The following PDE7B variants were observed in gnomAD, a reference collection of about 807,000 sequenced individuals.
PDE7B encodes 3',5'-cyclic-AMP phosphodiesterase 7B.
A neutral mutation model predicts 56.2 loss-of-function variants in PDE7B; 29 were observed. The ratio of observed to expected loss-of-function variants is 0.52; its 90% CI spans 0.38 to 0.70. The LOEUF is 0.70. Among genes scored for constraint, PDE7B ranks in the 30% least tolerant of loss-of-function variants. The probability of loss-of-function intolerance (pLI) is 0.00; values close to 1 mark genes in which losing one functional copy is unlikely to be tolerated. For missense variants in PDE7B, 490 were observed against 565.0 expected (o/e 0.87, Z 1.35); for synonymous variants, 197 against 196.9 (o/e 1.00, Z 0.00).
At chr6:136,179,884 CCTTT>C (rs1318307256) in intron 10 of PDE7B, among the ~76,000 whole-genome samples, 2 of 152,188 alleles carry the variant, frequency 1.3e-5, no homozygotes, top group Non-Finnish European at 2.9e-5. Context: ...CAAGTCCATT[CCTTT>C]CTGTTTTACT....
At chr6:135,954,459 A>G (rs1045168966) in intron 2 of PDE7B, among the ~76,000 whole-genome samples, 1 of 152,172 alleles carries the variant, frequency 6.6e-6, no homozygotes, top group Non-Finnish European at 1.5e-5. Flanking sequence ...GTGGCTTCCC[A>G]AGCACACTAC....
intron 1 of PDE7B, among the ~76,000 whole-genome samples, chr6:135,905,872 C>T (rs1776090757): frequency 6.6e-6 from 1 of 152,154 alleles, no homozygotes; most frequent in African/African-American, 2.4e-5. Context: ...GAGTGGTGGT[C>T]ACAGGCATCG....
rs1275175734 is a variant in PDE7B, at chr6:136,180,314, G to A, written c.949-913G>A. On this transcript the variant is annotated intron_variant, in intron 10 of 12. Coordinates refer to ENST00000308191, the MANE Select transcript of PDE7B (RefSeq NM_018945.4). ...AGTGACTAAAGCCAAGTTGTGAATA[G>A]CTGAAAGATTTGGCCTTGAACACTT... is the stretch of plus-strand genomic sequence containing the variant. Among the ~76,000 whole-genome samples the A allele has an allele frequency of 2.6e-5, 4 of 152,338 alleles. No homozygotes were observed. In the East Asian group the frequency reaches 7.7e-4, roughly 29 times the overall value.
chr6:136,029,396 A>G (rs1051057218), intron 2 of PDE7B, among the ~76,000 whole-genome samples: 1 of 152,240 alleles, frequency 6.6e-6, no homozygotes, highest in Non-Finnish European at 1.5e-5. Context: ...ACGCACAAAC[A>G]TAAAATCAGC....
intron 3 of PDE7B, among the ~76,000 whole-genome samples, chr6:136,140,178 T>C (rs1468781928): frequency 1.3e-5 from 2 of 152,232 alleles, no homozygotes; most frequent in African/African-American, 4.8e-5. Context: ...CAGTTTCAGC[T>C]TTCTACATAT....
intron 1 of PDE7B, among the ~76,000 whole-genome samples, chr6:135,925,532 T>G (rs1360971531): frequency 6.6e-6 from 1 of 152,148 alleles, no homozygotes; most frequent in Non-Finnish European, 1.5e-5. Flanking sequence ...TTTTGAGAAC[T>G]ATTTCACTAG....
intron 2 of PDE7B, among the ~76,000 whole-genome samples, chr6:136,011,051 T>G (rs1775884077): frequency 1.3e-5 from 2 of 152,132 alleles, no homozygotes; most frequent in African/African-American, 4.8e-5. Context: ...ACCTCAGACA[T>G]AGACACAAGC....
intron 3 of PDE7B, among the ~76,000 whole-genome samples, chr6:136,138,094 T>C (rs1221120811): frequency 1.3e-5 from 2 of 152,068 alleles, no homozygotes; most frequent in African/African-American, 4.8e-5. Flanking sequence ...ATTTGTAAAA[T>C]TGTATAAGGG....
chr6:136,013,850 C>T (rs1401447120), intron 2 of PDE7B, among the ~76,000 whole-genome samples: 1 of 152,164 alleles, frequency 6.6e-6, no homozygotes, highest in Non-Finnish European at 1.5e-5. Flanking sequence ...ATTGAAGAGA[C>T]AAGGCTAGAA....
chr6:135,905,107 T>C (rs748815603), intron 1 of PDE7B, among the ~76,000 whole-genome samples: 5 of 152,192 alleles, frequency 3.3e-5, no homozygotes, highest in Admixed American at 6.5e-5. Context: ...AATCTGCAAA[T>C]TATGTGGCCA....
intron 2 of PDE7B, chr6:136,044,949 T>C (rs150429220): frequency 1.2e-4 from 18 of 151,756 alleles, no homozygotes; most frequent in African/African-American, 4.4e-4. Context: ...AAAAAAAAAA[T>C]TAAACAAGGC....
At position 136,090,387 on chromosome 6, in the gene PDE7B, G is replaced by A. The variant is rs1181062626; in HGVS notation, c.83-18344G>A. On this transcript the variant is annotated intron_variant, in intron 2 of 12. Coordinates refer to ENST00000308191, the MANE Select transcript of PDE7B (RefSeq NM_018945.4). The stretch of plus-strand genomic sequence containing the variant: ...AGAGAATTTGTGCTTTTAGTTGAAG[G>A]GATTGTTGGGATATGAAATGGCTTC... Among the ~76,000 whole-genome samples, 3 of 152,134 alleles carry A rather than the reference G, an allele frequency of 2.0e-5. No individual in the cohort carries two copies. In the East Asian group the frequency reaches 5.8e-4, roughly 29 times the overall value.
chr6:135,870,954 TA>T (rs1219974712), intron 1 of PDE7B, among the ~76,000 whole-genome samples: 1 of 149,754 alleles, frequency 6.7e-6, no homozygotes, highest in Non-Finnish European at 1.5e-5. Flanking sequence ...CTGCCTATAT[TA>T]TTGGAGCCCT....
At chr6:136,089,743 C>T (rs981370142) in intron 2 of PDE7B, among the ~76,000 whole-genome samples, 3 of 152,060 alleles carry the variant, frequency 2.0e-5, no homozygotes, top group African/African-American at 4.8e-5. Context: ...AGTAAAATGG[C>T]AAAATATTTT....
chr6:136,050,896 C>CTCCTCCTCCTCCTCCTCT (rs1200579180), intron 2 of PDE7B, among the ~76,000 whole-genome samples: 18 of 151,726 alleles, frequency 1.2e-4, no homozygotes, highest in Non-Finnish European at 2.2e-4. Context: ...CTGAAACTTT[C>CTCCTCCTCCTCCTCCTCT]TCCTCCTCCT....
intron 1 of PDE7B, among the ~76,000 whole-genome samples, chr6:135,894,164 C>T (rs1318831478): frequency 6.6e-6 from 1 of 152,138 alleles, no homozygotes; most frequent in Admixed American, 6.5e-5. Flanking sequence ...TTAACCACAT[C>T]TATATGCTTT....
chr6:135,867,841 G>A (rs181019718), intron 1 of PDE7B, among the ~76,000 whole-genome samples: 38 of 152,318 alleles, frequency 2.5e-4, no homozygotes, highest in Non-Finnish European at 4.0e-4. Flanking sequence ...AACTGGAGCT[G>A]CAGAAGTAGA....
rs182046337 is a variant in PDE7B at position 135,988,503 on chromosome 6, G to A, written c.82+40979G>A. The stretch of plus-strand genomic sequence containing the variant: ...AGATGTTACATTTTAAGAGCCCACT[G>A]TTTAATAATAATCAATCTTTAAATG... On this transcript the variant is annotated intron_variant, in intron 2 of 12. Coordinates refer to ENST00000308191, the MANE Select transcript of PDE7B (RefSeq NM_018945.4). 4.6e-5 allele frequency among the ~76,000 whole-genome samples: 7 copies of A among 152,252 alleles called. No homozygotes were observed. The East Asian group carries it at 1.2e-3, about 25-fold the overall frequency.
intron 6 of PDE7B, among the ~76,000 whole-genome samples, chr6:136,153,518 G>A (rs1446531355): frequency 6.6e-6 from 1 of 152,112 alleles, no homozygotes; most frequent in Non-Finnish European, 1.5e-5. Flanking sequence ...ACTCTAACTT[G>A]AATAAGGTAG....
Sources: allele counts gnomAD v4.1 joint callset (sites outside exome capture counted in the v4.1 genomes callset), GRCh38; gene constraint gnomAD v4.1.1; transcripts MANE v1.5; gene names NCBI Gene and HGNC (gene_info 2026-07-23, HGNC 2026-07-21).